The following BCORL1 variants were observed in gnomAD, a reference collection of about 807,000 sequenced individuals.
The protein encoded by BCORL1 is BCL6 corepressor like 1, also known as BCL-6 corepressor-like protein 1.
BCORL1 carries 7 observed loss-of-function variants against 87.6 expected under a neutral mutation model. The ratio of observed to expected loss-of-function variants is 0.08; its 90% CI spans 0.05 to 0.15. The LOEUF is 0.15. Among genes scored for constraint, BCORL1 ranks in the 10% least tolerant of loss-of-function variants. The pLI is 1.00. For synonymous variants in BCORL1, 591 were observed against 634.4 expected (o/e 0.93, Z 1.03); for missense variants, 1,215 against 1,499.7 (o/e 0.81, Z 3.13).
intron 1 of BCORL1, among the ~76,000 whole-genome samples, chrX:129,990,531 C>T (rs1374796238): frequency 3.6e-5 from 4 of 111,752 alleles, no homozygotes; most frequent in African/African-American, 9.7e-5. Flanking sequence ...GTGCCCGGCC[C>T]TATTATTATA....
intron 1 of BCORL1, among the ~76,000 whole-genome samples, chrX:129,983,232 C>T (rs1926268713): frequency 1.8e-5 from 2 of 109,048 alleles, no homozygotes; most frequent in East Asian, 2.9e-4. Flanking sequence ...GTCTTCTTCC[C>T]GGCTGGGCGG....
At chrX:130,021,430 C>A in intron 5 of BCORL1, 1 of 273,359 alleles carries the variant, frequency 3.7e-6, no homozygotes, top group Non-Finnish European at 5.0e-6. Flanking sequence ...CATTTCCCCG[C>A]GATGGGTCTA....
intron 1 of BCORL1, among the ~76,000 whole-genome samples, chrX:129,994,076 A>T (rs1927378461): frequency 1.8e-5 from 2 of 112,681 alleles, no homozygotes; most frequent in Non-Finnish European, 3.8e-5. Context: ...GTGAGCCACC[A>T]TGTCCGGCCA....
At chrX:129,999,465 C>T (rs1327357646) in intron 1 of BCORL1, among the ~76,000 whole-genome samples, 2 of 106,535 alleles carry the variant, frequency 1.9e-5, no homozygotes, top group South Asian at 8.4e-4. Flanking sequence ...TGCACAGCCA[C>T]ACACGGCTAT....
chrX:130,001,829 C>T (rs893478782), intron 1 of BCORL1, among the ~76,000 whole-genome samples: 10 of 110,137 alleles, frequency 9.1e-5, no homozygotes, highest in South Asian at 3.8e-4. Flanking sequence ...TGCTAGAGGC[C>T]GGGGAAAGCT....
At chrX:130,054,815 A>G (rs1213641475) in intron 13 of BCORL1, among the ~76,000 whole-genome samples, 1 of 111,130 alleles carries the variant, frequency 9.0e-6, no homozygotes, top group Non-Finnish European at 1.9e-5. Flanking sequence ...GGAGGCTGAG[A>G]CAGGAGAATT....
chrX:130,056,282 G>A lies in BCORL1; in HGVS notation c.*146G>A, dbSNP rs1401154517. 5 of 608,228 alleles carry A rather than the reference G, an allele frequency of 8.2e-6. No individual in the cohort carries two copies. Among genetic ancestry groups the A allele is most frequent in the South Asian group, 8.9e-5 (2 of 22,522 alleles). 50.1% of individuals were successfully genotyped at this position (608,228 alleles called of 1,213,427 possible). A position where few individuals can be genotyped will look rare whatever the true frequency, so the allele number is the denominator to read the frequency against. On this transcript the variant is annotated 3_prime_UTR_variant, in exon 14 of 14. Transcript: ENST00000540052. Reference sequence around the variant, plus strand: ...CCGCCTTATCAATGCCAGCATTAGCGACTGGACTGTTTTTGTTTTTTTGGT... The same window carrying A: ...CCGCCTTATCAATGCCAGCATTAGCAACTGGACTGTTTTTGTTTTTTTGGT...
chrX:130,010,259 G>A (rs1455300099), intron 2 of BCORL1, among the ~76,000 whole-genome samples: 4 of 112,120 alleles, frequency 3.6e-5, no homozygotes, highest in Non-Finnish European at 7.5e-5. Flanking sequence ...GGGGTTGCTT[G>A]GGGGAAGTGC....
intron 11 of BCORL1, among the ~76,000 whole-genome samples, chrX:130,043,562 T>C (rs1931473284): frequency 9.4e-6 from 1 of 106,760 alleles, no homozygotes; most frequent in African/African-American, 3.4e-5. Flanking sequence ...TAGATACATT[T>C]ACATGGACTT....
At chrX:129,995,226 G>C (rs1927474732) in intron 1 of BCORL1, among the ~76,000 whole-genome samples, 3 of 110,000 alleles carry the variant, frequency 2.7e-5, no homozygotes, top group South Asian at 7.6e-4. Context: ...GGATGGTCTC[G>C]AACTCCTGAC....
chrX:130,007,740 G>A (rs1476406152), intron 2 of BCORL1, among the ~76,000 whole-genome samples: 1 of 112,268 alleles, frequency 8.9e-6, no homozygotes, highest in Non-Finnish European at 1.9e-5. Flanking sequence ...GGAGGTTGCA[G>A]TGAGCCGAGA....
chrX:130,044,658 C>T (rs922725390), intron 11 of BCORL1, among the ~76,000 whole-genome samples: 1 of 110,734 alleles, frequency 9.0e-6, no homozygotes, highest in African/African-American at 3.3e-5. Context: ...TACAAACGCC[C>T]ACCACCATGC....
intron 1 of BCORL1, among the ~76,000 whole-genome samples, chrX:130,000,223 A>C (rs1427255455): frequency 9.1e-6 from 1 of 110,030 alleles, no homozygotes; most frequent in African/African-American, 3.3e-5. Context: ...TTTTTTGTAG[A>C]GATGGGGTTT....
rs935057840 is a variant in BCORL1 at position 130,031,789 on chromosome X, C to T, written c.4306-2666C>T. ...CCAGAGCGAGACTCTGTCTCAAAAA[C>T]AAACAAACAACAACAACTAATAATA... On this transcript the variant is annotated intron_variant, in intron 8 of 13. Coordinates refer to ENST00000540052, the MANE Select transcript of BCORL1 (RefSeq NM_001379451.1). Among the ~76,000 whole-genome samples, 3 of 108,635 alleles carry T rather than the reference C, an allele frequency of 2.8e-5. No individual in the cohort carries two copies. In the East Asian group the frequency reaches 8.4e-4, roughly 30 times the overall value. 94.3% of individuals were successfully genotyped at this position (108,635 alleles called of 115,157 possible).
In BCORL1 at chrX:130,013,067, A is replaced by G; in HGVS notation, c.295A>G (p.Met99Val). The G allele has an allele frequency of 8.3e-7, 1 of 1,211,001 alleles. No individual in the cohort carries two copies. The highest frequency in any genetic ancestry group is 1.8e-5 in the South Asian group (1 of 57,009). Residue 99 changes from methionine to valine, a missense_variant, in exon 4 of 14, where the codon ATG becomes GTG. Physicochemically the swap from Met to Val is conservative, Grantham distance 21. Transcript: ENST00000540052. ...CAAGCCTGACGATCCCCAGCCAAAA[A>G]TGGACTACGCTGGGAACGTGGCAGA... The part of the protein sequence containing the change: ...EDKPDDPQPK[M>V]DYAGNVAEAE...
At chrX:130,021,530 T>C (rs1442651782) in intron 5 of BCORL1, among the ~76,000 whole-genome samples, 1 of 112,275 alleles carries the variant, frequency 8.9e-6, no homozygotes, top group Non-Finnish European at 1.9e-5. Flanking sequence ...ACTGGAAAAC[T>C]GCTATTCTGA....
At chrX:130,051,545 A>G in intron 12 of BCORL1, among the ~76,000 whole-genome samples, 1 of 112,853 alleles carries the variant, frequency 8.9e-6, no homozygotes, top group Non-Finnish European at 1.9e-5. Context: ...TGCTGATAGT[A>G]TCTTCAGGCT....
intron 11 of BCORL1, among the ~76,000 whole-genome samples, chrX:130,045,302 GA>G (rs1361240410): frequency 1.8e-5 from 2 of 112,367 alleles, no homozygotes; most frequent in Non-Finnish European, 3.8e-5. Flanking sequence ...TTTGGTTCGG[GA>G]CATCAGAGGA....
chrX:130,025,450 G>A (rs1930189122), intron 7 of BCORL1, 71 bp downstream of exon 7: 6 of 1,003,963 alleles, frequency 6.0e-6, no homozygotes, highest in Admixed American at 6.3e-5. Context: ...GCATCTCTAC[G>A]CCAGCCAAAG....
Sources: allele counts gnomAD v4.1 joint callset (sites outside exome capture counted in the v4.1 genomes callset), GRCh38; gene constraint gnomAD v4.1.1; transcripts MANE v1.5; gene names NCBI Gene and HGNC (gene_info 2026-07-23, HGNC 2026-07-21).